COG5: variants seen among roughly 807,000 people sequenced by gnomAD.
COG5 encodes component of oligomeric golgi complex 5.
Under a neutral mutation model 110.4 loss-of-function variants are expected in COG5, and 86 were observed. The observed-to-expected ratio is 0.78, with a 90% CI of 0.65 to 0.93. COG5 has a LOEUF of 0.93. Among genes scored for constraint, COG5 ranks in the 40% least tolerant of loss-of-function variants. The probability of loss-of-function intolerance (pLI) is 0.00; values close to 1 mark genes in which losing one functional copy is unlikely to be tolerated. For missense variants in COG5, 1,077 were observed against 987.0 expected (o/e 1.09, Z -1.22); for synonymous variants, 360 against 334.6 (o/e 1.08, Z -0.83).
At chr7:107,385,585 C>G (rs1159839420) in intron 7 of COG5, among the ~76,000 whole-genome samples, 1 of 152,044 alleles carries the variant, frequency 6.6e-6, no homozygotes, top group African/African-American at 2.4e-5. Flanking sequence ...GGACATTTTG[C>G]TAAGTGAAAT....
At chr7:107,477,968 T>C (rs990022073) in intron 6 of COG5, among the ~76,000 whole-genome samples, 2 of 151,916 alleles carry the variant, frequency 1.3e-5, no homozygotes, top group East Asian at 3.9e-4. Flanking sequence ...AAATTAAAAA[T>C]GCAAAAGCAA....
At position 107,207,199 on chromosome 7, in the gene COG5, C is replaced by T. The variant is rs375981394; in HGVS notation, c.2375+3327G>A. Among the ~76,000 whole-genome samples the T allele has an allele frequency of 9.2e-5, 14 of 152,222 alleles. No homozygotes were observed. The East Asian group carries it at 1.7e-3, about 19-fold the overall frequency. ...AATAAGCAGTTAAGCCCAGGCTTTT[C>T]CCTGGTTCCATCCTCCCTCTTCGTC... On this transcript the variant is annotated intron_variant, in intron 21 of 21. Coordinates refer to ENST00000297135, the MANE Select transcript of COG5 (RefSeq NM_006348.5).
chr7:107,554,379 T>C, intron 2 of COG5, 37 bp from the exon 3 acceptor site: 1 of 1,567,348 alleles, frequency 6.4e-7, no homozygotes, highest in Non-Finnish European at 8.8e-7. Flanking sequence ...TTTTGCTCTG[T>C]TAGGTATTCT....
rs189312028 is a variant in COG5, at chr7:107,361,944, C to A, written c.1026+89G>T. 7.2e-6 allele frequency: 6 copies of A among 828,842 alleles called. No homozygotes were observed. The East Asian group carries it at 1.3e-4, about 18-fold the overall frequency. 51.3% of individuals were successfully genotyped at this position (828,842 alleles called of 1,614,324 possible). ...TATTGCCATCTGATATGTAGCCACTCTATAAGGTAGTAGTAACACAAATGA... is the reference window on the plus strand; with the variant it reads ...TATTGCCATCTGATATGTAGCCACTATATAAGGTAGTAGTAACACAAATGA... On this transcript the variant is annotated intron_variant, in intron 10 of 21. Transcript: ENST00000297135.
Position 107,248,422 on chromosome 7 carries a change from G to A in COG5, c.1827C>T (p.Ile609=), listed in dbSNP as rs35581984. 60,741 of 1,610,482 alleles carry A rather than the reference G, an allele frequency of 0.038. 1,325 individuals are homozygous for A. The highest frequency in any genetic ancestry group is 0.043 in the Non-Finnish European group (51,205 of 1,177,346). ...CAGAAAAGTCTTCTTGATGCATGGT[G>A]ATGATTATGGCCTCTATAGCATCTC... ...SVGDAIEAII[I]TMHQEDFSGS... The change falls in exon 17 of 22, where the codon ATC becomes ATT. Residue 609 remains isoleucine, a synonymous_variant. Coordinates refer to ENST00000297135, the MANE Select transcript of COG5 (RefSeq NM_006348.5).
chr7:107,237,067 A>C (rs1390058739), intron 17 of COG5, among the ~76,000 whole-genome samples: 1 of 152,216 alleles, frequency 6.6e-6, no homozygotes, highest in Non-Finnish European at 1.5e-5. Flanking sequence ...TGAATGCATC[A>C]ATAATGGATC....
chr7:107,286,633 T>C (rs1200351432), intron 12 of COG5, among the ~76,000 whole-genome samples: 5 of 152,210 alleles, frequency 3.3e-5, no homozygotes, highest in African/African-American at 9.7e-5. Flanking sequence ...AACTCTTCAA[T>C]CTTTATAGAT....
At chr7:107,270,799 A>G (rs1028566855) in intron 14 of COG5, among the ~76,000 whole-genome samples, 4 of 146,994 alleles carry the variant, frequency 2.7e-5, no homozygotes, top group African/African-American at 7.5e-5. Flanking sequence ...CTGTGACTGT[A>G]TATGTGTGGG....
At chr7:107,344,815 C>T (rs371095194) in intron 10 of COG5, among the ~76,000 whole-genome samples, 2 of 152,326 alleles carry the variant, frequency 1.3e-5, no homozygotes, top group East Asian at 1.9e-4. Context: ...TGACCCACCG[C>T]GCCTGGCCGA....
At chr7:107,516,638 C>G (rs1799944075) in intron 6 of COG5, among the ~76,000 whole-genome samples, 1 of 152,206 alleles carries the variant, frequency 6.6e-6, no homozygotes, top group African/African-American at 2.4e-5. Context: ...GCCAGTGACC[C>G]TCTGGGACGA....
intron 6 of COG5, among the ~76,000 whole-genome samples, chr7:107,436,096 T>C (rs1359687421): frequency 2.0e-5 from 3 of 152,100 alleles, no homozygotes; most frequent in East Asian, 1.9e-4. Context: ...GTGGATCTCA[T>C]AGAGGTAGAG....
chr7:107,523,577 G>A (rs1800490287), intron 6 of COG5, among the ~76,000 whole-genome samples: 1 of 152,214 alleles, frequency 6.6e-6, no homozygotes, highest in African/African-American at 2.4e-5. Context: ...CACTTTGGGA[G>A]GCCGAGAAGG....
chr7:107,526,486 A>G (rs779677190), intron 6 of COG5, among the ~76,000 whole-genome samples: 4 of 152,256 alleles, frequency 2.6e-5, no homozygotes, highest in Non-Finnish European at 4.4e-5. Context: ...ATGAACAAAG[A>G]AATAAATTTT....
At chr7:107,563,735 C>T in intron 1 of COG5, 68 bp downstream of exon 1, 1 of 1,571,250 alleles carries the variant, frequency 6.4e-7, no homozygotes, top group Non-Finnish European at 8.8e-7. Context: ...TTGGGTCCAC[C>T]TCGCTGTCCA....
At chr7:107,220,763 G>A (rs1329723733) in intron 19 of COG5, among the ~76,000 whole-genome samples, 2 of 151,840 alleles carry the variant, frequency 1.3e-5, no homozygotes, top group South Asian at 2.1e-4. Flanking sequence ...GGTGTGCCCA[G>A]GCCCTGAAAG....
chr7:107,500,323 G>C (rs952420664), intron 6 of COG5, among the ~76,000 whole-genome samples: 1 of 152,158 alleles, frequency 6.6e-6, no homozygotes, highest in Non-Finnish European at 1.5e-5. Flanking sequence ...GTGAACAACT[G>C]AACTTCCAGA....
Position 107,206,601 on chromosome 7 carries a change from T to TA in COG5, c.2376-2972dup, listed in dbSNP as rs143169073. Reference sequence around the variant, plus strand: ...ACACCAAGGTGTATGTATCAGCGTATAAGAAGTGTTTAAATTCACAGGAAC... The same window carrying TA: ...ACACCAAGGTGTATGTATCAGCGTATAAAGAAGTGTTTAAATTCACAGGAAC... On this transcript the variant is annotated intron_variant, in intron 21 of 21. Coordinates refer to ENST00000297135, the MANE Select transcript of COG5 (RefSeq NM_006348.5). Among the ~76,000 whole-genome samples the TA allele has an allele frequency of 4.3e-3, 661 of 152,342 alleles. 6 individuals are homozygous for TA. The highest frequency in any genetic ancestry group is 0.016 in the African/African-American group (646 of 41,576).
chr7:107,469,991 C>T (rs945979821), intron 6 of COG5: 1 of 152,154 alleles, frequency 6.6e-6, no homozygotes, highest in Non-Finnish European at 1.5e-5. Flanking sequence ...CCCAATACAA[C>T]TGACCAATCA....
At chr7:107,393,226 AT>A (rs1194818618) in intron 7 of COG5, among the ~76,000 whole-genome samples, 1 of 151,950 alleles carries the variant, frequency 6.6e-6, no homozygotes, top group East Asian at 1.9e-4. Context: ...TTGTCTACCT[AT>A]TTTTTCAATG....
Sources: gnomAD v4.1 joint callset for allele counts (sites outside exome capture counted in the v4.1 genomes callset) on GRCh38, gnomAD v4.1.1 for gene constraint, MANE v1.5 for transcripts, NCBI Gene and HGNC (gene_info 2026-07-23, HGNC 2026-07-21) for gene names.